Variants in BCKDHB observed in about 807,000 individuals in gnomAD.
BCKDHB encodes the protein 2-oxoisovalerate dehydrogenase subunit beta, mitochondrial.
In BCKDHB, 41 loss-of-function variants were observed where a neutral mutation model predicts 48.5. The ratio of observed to expected loss-of-function variants is 0.85; its 90% confidence interval spans 0.66 to 1.10. The LOEUF (loss-of-function observed/expected upper bound fraction) is 1.10. Ranked by LOEUF, BCKDHB falls within the 50% of genes least tolerant of loss-of-function variation. The pLI is 0.00. For synonymous variants in BCKDHB, 201 were observed against 174.8 expected (o/e 1.15, Z -1.18); for missense variants, 496 against 494.2 (o/e 1.00, Z -0.03).
At chr6:80,227,810 G>T (rs1250473882) in intron 8 of BCKDHB, among the ~76,000 whole-genome samples, 1 of 152,146 alleles carries the variant, frequency 6.6e-6, no homozygotes, top group Non-Finnish European at 1.5e-5. Flanking sequence ...ATCTACTAAT[G>T]GTAGAGATGT....
At chr6:80,122,521 A>G (rs1438425865) in intron 1 of BCKDHB, among the ~76,000 whole-genome samples, 1 of 152,202 alleles carries the variant, frequency 6.6e-6, no homozygotes, top group Admixed American at 6.5e-5. Context: ...AAAGTGAGGA[A>G]TTTTACAGCT....
chr6:80,414,151 T>G, the BCKDHB span, among the ~76,000 whole-genome samples: 1 of 152,114 alleles, frequency 6.6e-6, no homozygotes, highest in Non-Finnish European at 1.5e-5. Context: ...TGGGGTTATT[T>G]GTTTTTTCTT....
At chr6:80,207,696 G>A (rs1774731583) in intron 8 of BCKDHB, among the ~76,000 whole-genome samples, 1 of 151,712 alleles carries the variant, frequency 6.6e-6, no homozygotes, top group Non-Finnish European at 1.5e-5. Context: ...AAGAAAGCTG[G>A]TGTAGATACA....
chr6:80,370,963 T>A, the BCKDHB span, among the ~76,000 whole-genome samples: 12 of 152,222 alleles, frequency 7.9e-5, no homozygotes, highest in East Asian at 1.9e-3. Context: ...TGCTCAAATA[T>A]CTTTTTCATA....
At chr6:80,363,497 A>G in the BCKDHB span, among the ~76,000 whole-genome samples, 1 of 152,212 alleles carries the variant, frequency 6.6e-6, no homozygotes, top group Admixed American at 6.5e-5. Context: ...CTTTGGGTGC[A>G]ACTTTTTTCT....
the BCKDHB span, among the ~76,000 whole-genome samples, chr6:80,423,470 T>C: frequency 8.5e-5 from 13 of 152,322 alleles, no homozygotes; most frequent in African/African-American, 2.9e-4. Flanking sequence ...ACCATCTTGC[T>C]AACATCCTAT....
At chr6:80,395,668 A>G in the BCKDHB span, among the ~76,000 whole-genome samples, 1 of 152,266 alleles carries the variant, frequency 6.6e-6, no homozygotes, top group African/African-American at 2.4e-5. Context: ...AGAAATTTGC[A>G]TAAGTAACAA....
rs776940885 is a variant in BCKDHB at position 80,322,238 on chromosome 6, C to CTTTTTT, written c.1039-21414_1039-21409dup. ...CATAGGCGTTTTCTTTCTTTCTTTT[C>CTTTTTT]TTTTTTTTTTTTTTTTTGGTGACGG... On this transcript the variant is annotated intron_variant, in intron 9 of 9. Coordinates refer to ENST00000320393, the MANE Select transcript of BCKDHB (RefSeq NM_183050.4). Among the ~76,000 whole-genome samples the CTTTTTT allele has an allele frequency of 6.0e-3, 694 of 116,410 alleles. 3 individuals carry two copies. Among genetic ancestry groups the CTTTTTT allele is most frequent in the Middle Eastern group, 9.3e-3 (2 of 214 alleles). 76.4% of individuals were successfully genotyped at this position (116,410 alleles called of 152,430 possible).
the BCKDHB span, among the ~76,000 whole-genome samples, chr6:80,464,569 A>G: frequency 6.6e-6 from 1 of 152,246 alleles, no homozygotes. Flanking sequence ...TATCTAATAA[A>G]AATTCCTCTC....
chr6:80,258,389 T>G (rs1450319517), intron 8 of BCKDHB, among the ~76,000 whole-genome samples: 1 of 152,208 alleles, frequency 6.6e-6, no homozygotes, highest in African/African-American at 2.4e-5. Flanking sequence ...CCCTTTCTGT[T>G]TAGAAGGTAC....
chr6:80,172,838 A>G (rs376404136), intron 6 of BCKDHB, among the ~76,000 whole-genome samples: 9 of 152,260 alleles, frequency 5.9e-5, no homozygotes, highest in African/African-American at 1.9e-4. Context: ...AAGTTTAAAA[A>G]CAGATTTTAA....
chr6:80,120,162 TCATC>T (rs1385720271), intron 1 of BCKDHB, among the ~76,000 whole-genome samples: 1 of 152,178 alleles, frequency 6.6e-6, no homozygotes, highest in Non-Finnish European at 1.5e-5. Context: ...GTTTCCAGCT[TCATC>T]CATGTCCCTG....
chr6:80,268,169 G>A (rs1453898363), intron 8 of BCKDHB, among the ~76,000 whole-genome samples: 1 of 152,022 alleles, frequency 6.6e-6, no homozygotes, highest in Non-Finnish European at 1.5e-5. Context: ...GTGATTAATT[G>A]TGAGGTTTTT....
At chr6:80,125,765 C>G (rs1770310691) in intron 1 of BCKDHB, among the ~76,000 whole-genome samples, 1 of 151,978 alleles carries the variant, frequency 6.6e-6, no homozygotes, top group South Asian at 2.1e-4. Flanking sequence ...GGTGCCATGG[C>G]AGAATGTCAG....
At chr6:80,266,788 G>C (rs1777532690) in intron 8 of BCKDHB, among the ~76,000 whole-genome samples, 1 of 152,046 alleles carries the variant, frequency 6.6e-6, no homozygotes, top group Admixed American at 6.6e-5. Flanking sequence ...AGACATCAGA[G>C]ACTTCCAGTC....
the BCKDHB span, chr6:80,465,916 C>T: frequency 6.6e-6 from 1 of 152,166 alleles, no homozygotes. Flanking sequence ...TCTCCATTGC[C>T]TCCTGTGATG....
the BCKDHB span, among the ~76,000 whole-genome samples, chr6:80,439,366 T>G: frequency 6.6e-6 from 1 of 152,192 alleles, no homozygotes. Context: ...CAGGAGAAGA[T>G]AGAAATTGAC....
chr6:80,396,435 C>G, the BCKDHB span, among the ~76,000 whole-genome samples: 2 of 152,162 alleles, frequency 1.3e-5, no homozygotes, highest in Admixed American at 1.3e-4. Context: ...ACACTTTGGA[C>G]TTGGACTTTT....
At chr6:80,269,806 T>A (rs1470176226) in intron 8 of BCKDHB, among the ~76,000 whole-genome samples, 3 of 152,290 alleles carry the variant, frequency 2.0e-5, no homozygotes, top group South Asian at 4.1e-4. Flanking sequence ...GTATCTACAA[T>A]TATTTATCTT....
Sources: allele counts gnomAD v4.1 joint callset (sites outside exome capture counted in the v4.1 genomes callset), GRCh38; gene constraint gnomAD v4.1.1; transcripts MANE v1.5; gene names NCBI Gene and HGNC (gene_info 2026-07-23, HGNC 2026-07-21).